The following JAZF1 variants were observed in gnomAD, a reference collection of about 807,000 sequenced individuals.
JAZF1 encodes juxtaposed with another zinc finger protein 1.
Under a neutral mutation model 26.4 loss-of-function variants are expected in JAZF1, and 8 were observed. That is an observed-to-expected ratio of 0.30 (90% CI 0.18 to 0.55). The LOEUF is 0.55. Ranked by LOEUF, JAZF1 falls within the 20% of genes least tolerant of loss-of-function variation. The pLI is 0.94. For missense variants in JAZF1, 199 were observed against 322.0 expected (o/e 0.62, Z 2.92); for synonymous variants, 126 against 122.3 (o/e 1.03, Z -0.20).
Position 28,067,356 on chromosome 7 carries a change from C to T in JAZF1, c.116-75375G>A, listed in dbSNP as rs757424920. 3.9e-5 allele frequency among the ~76,000 whole-genome samples: 6 copies of T among 152,204 alleles called. No individual in the cohort carries two copies. In the South Asian group the frequency reaches 1.0e-3, roughly 26 times the overall value. ...GTTGTTAAACCAGTGGAATCTTTATCTCTCCATTGACAAATGCTGTTGTGC... is the reference window on the plus strand; with the variant it reads ...GTTGTTAAACCAGTGGAATCTTTATTTCTCCATTGACAAATGCTGTTGTGC... On this transcript the variant is annotated intron_variant, in intron 1 of 4. Transcript: ENST00000283928.
intron 1 of JAZF1, among the ~76,000 whole-genome samples, chr7:28,114,391 A>T (rs1784708075): frequency 6.6e-6 from 1 of 151,782 alleles, no homozygotes; most frequent in Non-Finnish European, 1.5e-5. Flanking sequence ...GGTGCTACTG[A>T]CATCTCTGCA....
At chr7:27,875,753 G>C (rs1783668141) in intron 3 of JAZF1, among the ~76,000 whole-genome samples, 1 of 152,148 alleles carries the variant, frequency 6.6e-6, no homozygotes, top group Non-Finnish European at 1.5e-5. Flanking sequence ...GGGATACTGG[G>C]GTTATGTCTT....
chr7:28,154,496 A>T (rs1409481606), intron 1 of JAZF1, among the ~76,000 whole-genome samples: 1 of 152,134 alleles, frequency 6.6e-6, no homozygotes, highest in African/African-American at 2.4e-5. Flanking sequence ...TGAGTGCAGG[A>T]CTCAAACATT....
Position 28,015,708 on chromosome 7 carries a change from G to A in JAZF1, c.116-23727C>T, listed in dbSNP as rs78927495. Among the ~76,000 whole-genome samples, 1,257 of 152,286 alleles carry A rather than the reference G, an allele frequency of 8.3e-3. 23 individuals carry two copies. The highest frequency in any genetic ancestry group is 0.028 in the African/African-American group (1,169 of 41,552). On this transcript the variant is annotated intron_variant, in intron 1 of 4. Coordinates refer to ENST00000283928, the MANE Select transcript of JAZF1 (RefSeq NM_175061.4). ...CTTTTCTCCGGAAAAGGACTGGCAT[G>A]TGTTTAGATAAGGATACTGTGCTTA...
At chr7:28,053,761 G>A (rs957270516) in intron 1 of JAZF1, among the ~76,000 whole-genome samples, 2 of 152,146 alleles carry the variant, frequency 1.3e-5, no homozygotes, top group African/African-American at 4.8e-5. Flanking sequence ...GCAAAGGAGT[G>A]GAAAGGTACG....
intron 1 of JAZF1, among the ~76,000 whole-genome samples, chr7:28,123,529 C>G (rs1297062932): frequency 6.6e-6 from 1 of 152,214 alleles, no homozygotes; most frequent in Non-Finnish European, 1.5e-5. Flanking sequence ...AGTAGGCACT[C>G]GGGAAAGATT....
chr7:27,951,346 A>T lies in JAZF1; in HGVS notation c.188+40563T>A, dbSNP rs76596453. Among the ~76,000 whole-genome samples the T allele has an allele frequency of 5.2e-3, 793 of 152,364 alleles. 3 individuals carry two copies. Among genetic ancestry groups the T allele is most frequent in the South Asian group, 0.011 (53 of 4,830 alleles). On this transcript the variant is annotated intron_variant, in intron 2 of 4. Transcript: ENST00000283928. ...ATTAGCCCTGCTAAGCCAAAAGAACAGTACTATTACCTTAAGAAATTGTAT... is the reference window on the plus strand; with the variant it reads ...ATTAGCCCTGCTAAGCCAAAAGAACTGTACTATTACCTTAAGAAATTGTAT...
At chr7:27,943,544 C>T (rs965923426) in intron 2 of JAZF1, among the ~76,000 whole-genome samples, 7 of 152,210 alleles carry the variant, frequency 4.6e-5, no homozygotes, top group East Asian at 1.9e-4. Flanking sequence ...ATTACTTCCT[C>T]CACAGATGAT....
chr7:27,986,835 T>C (rs1785724311), intron 2 of JAZF1, among the ~76,000 whole-genome samples: 1 of 152,162 alleles, frequency 6.6e-6, no homozygotes, highest in African/African-American at 2.4e-5. Context: ...TTTGTATTTT[T>C]TGGTGGAGAC....
chr7:27,958,867 G>A (rs997230242), intron 2 of JAZF1, among the ~76,000 whole-genome samples: 1 of 152,172 alleles, frequency 6.6e-6, no homozygotes, highest in Non-Finnish European at 1.5e-5. Context: ...AAGGAGACAA[G>A]CAGGGAAGGA....
chr7:27,913,531 T>C (rs1428923425), intron 2 of JAZF1: 1 of 293,508 alleles, frequency 3.4e-6, no homozygotes, highest in Admixed American at 5.0e-5. Flanking sequence ...CGGAGCTAAG[T>C]GGTCAGCACA....
intron 2 of JAZF1, among the ~76,000 whole-genome samples, chr7:27,924,028 C>T (rs369387125): frequency 1.2e-4 from 19 of 152,064 alleles, no homozygotes; most frequent in African/African-American, 2.7e-4. Context: ...GGGATGGGGA[C>T]GGGGACTGAA....
At chr7:28,058,236 C>T (rs1222777581) in intron 1 of JAZF1, among the ~76,000 whole-genome samples, 2 of 152,122 alleles carry the variant, frequency 1.3e-5, no homozygotes, top group African/African-American at 2.4e-5. Flanking sequence ...CTCATATACA[C>T]CAAAGTGAAC....
intron 2 of JAZF1, among the ~76,000 whole-genome samples, chr7:27,921,489 G>C (rs1386450728): frequency 2.0e-5 from 3 of 152,074 alleles, no homozygotes; most frequent in African/African-American, 4.8e-5. Flanking sequence ...TCAAAACTTC[G>C]TAAATCAGAT....
At chr7:27,862,991 G>A (rs1321868777) in intron 3 of JAZF1, among the ~76,000 whole-genome samples, 4 of 152,144 alleles carry the variant, frequency 2.6e-5, no homozygotes, top group African/African-American at 9.7e-5. Flanking sequence ...CTGCTTGTGG[G>A]GCCCGATGGT....
At chr7:27,922,251 C>CT (rs1188354499) in intron 2 of JAZF1, among the ~76,000 whole-genome samples, 1 of 152,108 alleles carries the variant, frequency 6.6e-6, no homozygotes, top group Non-Finnish European at 1.5e-5. Context: ...ATAAAGTATT[C>CT]TTTTTTTGTT....
At chr7:28,038,641 CA>C (rs1783336419) in intron 1 of JAZF1, among the ~76,000 whole-genome samples, 2 of 152,016 alleles carry the variant, frequency 1.3e-5, no homozygotes, top group East Asian at 1.9e-4. Flanking sequence ...ACTAAAATTC[CA>C]AAAAAAGAAG....
intron 3 of JAZF1, among the ~76,000 whole-genome samples, chr7:27,858,927 T>A (rs1181996058): frequency 6.6e-6 from 1 of 152,066 alleles, no homozygotes; most frequent in Non-Finnish European, 1.5e-5. Context: ...GAAACTATCA[T>A]CAGAGTGAAC....
intron 2 of JAZF1, among the ~76,000 whole-genome samples, chr7:27,918,828 A>C (rs1462768853): frequency 6.6e-6 from 1 of 152,248 alleles, no homozygotes; most frequent in Non-Finnish European, 1.5e-5. Flanking sequence ...GATAAGAGAA[A>C]AAAAAAATCA....
Sources: allele counts gnomAD v4.1 joint callset (sites outside exome capture counted in the v4.1 genomes callset), GRCh38; gene constraint gnomAD v4.1.1; transcripts MANE v1.5; gene names NCBI Gene and HGNC (gene_info 2026-07-23, HGNC 2026-07-21).